The following MYO1G variants were observed in gnomAD, a reference collection of about 807,000 sequenced individuals.
MYO1G encodes the protein myosin IG.
MYO1G carries 65 observed loss-of-function variants against 115.3 expected under a neutral mutation model. That is an observed-to-expected ratio of 0.56 (90% confidence interval 0.46 to 0.69). MYO1G has a LOEUF of 0.69. MYO1G is among the 30% of genes least tolerant of loss of function. MYO1G has a pLI of 0.00. For synonymous variants in MYO1G, 510 were observed against 552.6 expected, an observed-to-expected ratio of 0.92 and a Z score of 1.08; for missense variants, 1,204 against 1,393.5, an observed-to-expected ratio of 0.86 and a Z score of 2.16.
In MYO1G at chr7:44,965,541, G is replaced by A. The variant is rs893431500; in HGVS notation, c.2381+96C>T. 20 of 1,175,078 alleles carry A rather than the reference G, an allele frequency of 1.7e-5. No individual in the cohort carries two copies. The Middle Eastern group carries it at 6.6e-4, about 39-fold the overall frequency. The allele number at this position is 1,175,078 out of a possible 1,614,324, so 72.8% of individuals were successfully genotyped here. A position where few individuals can be genotyped will look rare whatever the true frequency, so the allele number is the denominator to read the frequency against. ...CTTCCCACCTATCAAGGGGGCTGGT[G>A]TATCTCCCATCCAGGCACTGCAGGC... On this transcript the variant is annotated intron_variant, in intron 17 of 21. Transcript: ENST00000258787.
intron 5 of MYO1G, chr7:44,974,786 T>C (rs1795018214): frequency 3.7e-6 from 1 of 267,898 alleles, no homozygotes; most frequent in Non-Finnish European, 7.5e-6. Flanking sequence ...GTGCTCAGAG[T>C]CAATGCCCGT....
At position 44,975,500 on chromosome 7, in the gene MYO1G, C is replaced by T; in HGVS notation, c.548G>A (p.Ser183Asn). Residue 183 changes from serine (S) to asparagine (N), a missense_variant, in exon 4 of 22, where the codon AGC becomes AAC. Ser to Asn is a conservative substitution (Grantham distance 46). Transcript: ENST00000258787. ...CCTGCCCACCTTCTCCAGTAGGTAG[C>T]TGTGGATGTGTCCTCCGATCGGGTC... ...KGDPIGGHIH[S>N]YLLEKSRVLK... 6.2e-7 allele frequency: 1 copy of T among 1,612,038 alleles called. No homozygotes were observed. The highest frequency in any genetic ancestry group is 1.7e-5 in the Admixed American group (1 of 59,896).
In MYO1G at chr7:44,965,880, T is replaced by G. The variant is rs1382123423; in HGVS notation, c.2158-20A>C. On this transcript the variant is annotated intron_variant, in intron 16 of 21. Transcript: ENST00000258787. ...CCATGCCTGGGTGGGCCAGGTGGGA[T>G]GGGATACGCAGTCAAATTCAATCAG... The G allele has an allele frequency of 6.3e-7, 1 of 1,595,812 alleles. No homozygotes were observed. Among genetic ancestry groups the G allele is most frequent in the African/African-American group, 1.3e-5 (1 of 74,822 alleles).
chr7:44,970,218 G>T, intron 9 of MYO1G, 64 bp from the exon 10 acceptor site: 2 of 1,133,276 alleles, frequency 1.8e-6, no homozygotes, highest in Non-Finnish European at 1.3e-6. Flanking sequence ...GTAATGGGTG[G>T]CTGCTCCCCT....
At chr7:44,974,198 C>T (rs1562832940) in intron 5 of MYO1G, 1 of 151,694 alleles carries the variant, frequency 6.6e-6, no homozygotes, top group Non-Finnish European at 1.5e-5. Flanking sequence ...GAGCACCACA[C>T]CATGGAAGCT....
rs370778515 is a variant in MYO1G, at chr7:44,964,068, C to T, written c.2726G>A (p.Arg909Gln). 2.6e-5 allele frequency: 41 copies of T among 1,599,258 alleles called. No individual in the cohort carries two copies. The highest frequency in any genetic ancestry group is 1.7e-4 in the African/African-American group (13 of 74,718). ...LDPDRQYRVM[R>Q]AVPLEAVTGL... ...GCTCACCGCCTCAAGGGGCACGGCCCGCATCACCCGGTACTGCCGGTCAGG... is the reference window on the plus strand; with the variant it reads ...GCTCACCGCCTCAAGGGGCACGGCCTGCATCACCCGGTACTGCCGGTCAGG... Residue 909 changes from arginine (R) to glutamine (Q), a missense_variant, in exon 20 of 22, where the codon CGG (arginine) becomes CAG (glutamine). Coordinates refer to ENST00000258787, the MANE Select transcript of MYO1G (RefSeq NM_033054.3). The surrounding 1 kb of genome is among the most constrained non-coding windows in gnomAD (Gnocchi z 5.1).
In MYO1G at chr7:44,963,484, G is replaced by A. The variant is rs910384768; in HGVS notation, c.2746-360C>T. 1 of 269,290 alleles carries A rather than the reference G, an allele frequency of 3.7e-6. No homozygotes were observed. The highest frequency in any genetic ancestry group is 5.1e-5 in the Admixed American group (1 of 19,658). 16.7% of individuals were successfully genotyped at this position (269,290 alleles called of 1,614,324 possible). A position where few individuals can be genotyped will look rare whatever the true frequency, so the allele number is the denominator to read the frequency against. On this transcript the variant is annotated intron_variant, in intron 20 of 21. Coordinates refer to ENST00000258787, the MANE Select transcript of MYO1G (RefSeq NM_033054.3). This position sits in a 1 kb window ranked among gnomAD's most constrained non-coding sequence, Gnocchi z 4.1. ...TCACTGCATTTAAACAACCACGCCG[G>A]CTTTGGGCTGTGGCATTACACAGCA...
rs1794796348 is a variant in MYO1G, at chr7:44,964,065, GC to G, written c.2728del (p.Ala910ProfsTer7). 6.3e-7 allele frequency: 1 copy of G among 1,597,386 alleles called. No individual in the cohort carries two copies. Among genetic ancestry groups the G allele is most frequent in the Non-Finnish European group, 8.5e-7 (1 of 1,172,000 alleles). The stretch of plus-strand genomic sequence containing the variant: ...ATTGCTCACCGCCTCAAGGGGCACG[GC>G]CCGCATCACCCGGTACTGCCGGTCA... ...DPDRQYRVMR[A>X]VPLEAVTGLS... On this transcript the variant is annotated frameshift_variant, in exon 20 of 22. Transcript: ENST00000258787. LOFTEE classifies it high-confidence loss of function. The surrounding 1 kb of genome is among the most constrained non-coding windows in gnomAD (Gnocchi z 5.1).
rs368207989 is a variant in MYO1G, at chr7:44,965,047, G to T, written c.2424C>A (p.Asp808Glu). The change falls in exon 18 of 22, where the codon GAC becomes GAA. Residue 808 changes from aspartate (D) to glutamate (E), a missense_variant. Transcript: ENST00000258787. ...RQLVKNIPPS[D>E]MPQIKAKVAA... The stretch of plus-strand genomic sequence containing the variant: ...CCACCTTGGCCTTGATCTGGGGCAT[G>T]TCTGAAGGGGGGATGTTCTTCACCA... The T allele has an allele frequency of 6.8e-6, 11 of 1,610,856 alleles. No homozygotes were observed. Among genetic ancestry groups the T allele is most frequent in the Non-Finnish European group, 9.3e-6 (11 of 1,178,114 alleles).
At chr7:44,968,009 A>G in intron 12 of MYO1G, 51 bp from the exon 13 acceptor site, 2 of 1,530,216 alleles carry the variant, frequency 1.3e-6, no homozygotes, top group Non-Finnish European at 1.8e-6. Flanking sequence ...CTGCCAGGCC[A>G]GAGTGCTAAT....
Position 44,963,996 on chromosome 7 carries a change from C to G in MYO1G, c.2745+53G>C, listed in dbSNP as rs550831845. On this transcript the variant is annotated intron_variant, in intron 20 of 21. Coordinates refer to ENST00000258787, the MANE Select transcript of MYO1G (RefSeq NM_033054.3). This position sits in a 1 kb window ranked among gnomAD's most constrained non-coding sequence, Gnocchi z 4.1. ...AGACTGAGGCAGGACTCTGAGCAGCCCAGCAGTGCCCCTCACAGATGCTGC... is the reference window on the plus strand; with the variant it reads ...AGACTGAGGCAGGACTCTGAGCAGCGCAGCAGTGCCCCTCACAGATGCTGC... 9.0e-4 allele frequency: 1,254 copies of G among 1,389,950 alleles called. No homozygotes were observed. Among genetic ancestry groups the G allele is most frequent in the Non-Finnish European group, 1.2e-3 (1,195 of 1,001,892 alleles). The allele number at this position is 1,389,950 out of a possible 1,614,324, so 86.1% of individuals were successfully genotyped here. A position where few individuals can be genotyped will look rare whatever the true frequency, so the allele number is the denominator to read the frequency against.
rs1446811882 is a variant in MYO1G at position 44,966,676 on chromosome 7, G to C, written c.1945C>G (p.Leu649Val). The C allele has an allele frequency of 1.2e-6, 2 of 1,613,184 alleles. No individual in the cohort carries two copies. The highest frequency in any genetic ancestry group is 8.5e-7 in the Non-Finnish European group (1 of 1,180,000). The change falls in exon 15 of 22, where the codon CTC (leucine) becomes GTC (valine). Residue 649 changes from leucine (L) to valine (V), a missense_variant. Physicochemically the swap from Leu to Val is conservative, Grantham distance 32. Transcript: ENST00000258787. This position sits in a 1 kb window ranked among gnomAD's most constrained non-coding sequence, Gnocchi z 5.0. The part of the protein sequence containing the change: ...ASRQPYSRFL[L>V]RYKMTCEYTW... Reference sequence around the variant, plus strand: ...ATGGGTGTCAGGTGCCAGTACCTGAGCAGGAATCGAGAGTAGGGCTGGCGG... The same window carrying C: ...ATGGGTGTCAGGTGCCAGTACCTGACCAGGAATCGAGAGTAGGGCTGGCGG...
chr7:44,963,236 C>G lies in MYO1G; in HGVS notation c.2746-112G>C. ...CGAACCCCCAACCGCACCCGGGGAG[C>G]GCCGCCCTCGCCAGGGCCACCAGCC... On this transcript the variant is annotated intron_variant, in intron 20 of 21. Transcript: ENST00000258787. The surrounding 1 kb of genome is among the most constrained non-coding windows in gnomAD (Gnocchi z 4.1). 2 of 1,280,668 alleles carry G rather than the reference C, an allele frequency of 1.6e-6. No individual in the cohort carries two copies. The highest frequency in any genetic ancestry group is 1.6e-5 in the African/African-American group (1 of 63,262). 79.3% of individuals were successfully genotyped at this position (1,280,668 alleles called of 1,614,324 possible). A position where few individuals can be genotyped will look rare whatever the true frequency, so the allele number is the denominator to read the frequency against.
chr7:44,971,267 AAGGCCTCG>A (rs1048582066), intron 7 of MYO1G, among the ~76,000 whole-genome samples: 1 of 146,658 alleles, frequency 6.8e-6, no homozygotes, highest in Non-Finnish European at 1.5e-5. Context: ...AGTCTCTGCC[AAGGCCTCG>A]AGGCCTCGAG....
chr7:44,978,806 C>T (rs911771279), intron 1 of MYO1G, 61 bp downstream of exon 1: 9 of 1,509,918 alleles, frequency 6.0e-6, no homozygotes, highest in Admixed American at 1.7e-5. Context: ...CAGGTCTCTG[C>T]GAGGACGCAA....
In MYO1G at chr7:44,969,435, T is replaced by C. The variant is rs774318946; in HGVS notation, c.1552A>G (p.Lys518Glu). ...TMEFGRDFRIKHYAGDVTYSV... is the reference protein window; with the variant it reads ...TMEFGRDFRIEHYAGDVTYSV... The stretch of plus-strand genomic sequence containing the variant: ...TACGTGACGTCCCCTGCATAGTGCT[T>C]GATCCGGAAGTCTCGGCCAAACTCC... Residue 518 changes from lysine (K) to glutamate (E), a missense_variant, in exon 12 of 22, where the codon AAG becomes GAG. Lys to Glu is a moderately conservative substitution (Grantham distance 56). Transcript: ENST00000258787. This position sits in a 1 kb window ranked among gnomAD's most constrained non-coding sequence, Gnocchi z 5.0. 2 of 1,613,928 alleles carry C rather than the reference T, an allele frequency of 1.2e-6. No individual in the cohort carries two copies. Among genetic ancestry groups the C allele is most frequent in the South Asian group, 1.1e-5 (1 of 91,082 alleles).
chr7:44,972,191 T>C lies in MYO1G; in HGVS notation c.653A>G (p.Glu218Gly), dbSNP rs145240682. Residue 218 changes from glutamate (E) to glycine (G), a missense_variant, in exon 6 of 22, where the codon GAA (glutamate) becomes GGA (glycine). Physicochemically the swap from Glu to Gly is moderately conservative, Grantham distance 98. Transcript: ENST00000258787. ...LRGSEDKQLH[E>G]LHLERNPAVY... ...AGCAGGGTTTCTCTCCAAGTGCAGTTCATGCAGCTGCTTGTCCTCACTGCC... is the reference window on the plus strand; with the variant it reads ...AGCAGGGTTTCTCTCCAAGTGCAGTCCATGCAGCTGCTTGTCCTCACTGCC... 1 of 1,614,084 alleles carries C rather than the reference T, an allele frequency of 6.2e-7. No individual in the cohort carries two copies. The highest frequency in any genetic ancestry group is 1.3e-5 in the African/African-American group (1 of 75,044).
chr7:44,969,461 A>T lies in MYO1G; in HGVS notation c.1526T>A (p.Met509Lys). ...SRQLCPTDKT[M>K]EFGRDFRIKH... is the part of the protein sequence containing the mutation. Reference sequence around the variant, plus strand: ...GATCCGGAAGTCTCGGCCAAACTCCATGGTCTTGTCTGTGGGGCAGAGCTA... The same window carrying T: ...GATCCGGAAGTCTCGGCCAAACTCCTTGGTCTTGTCTGTGGGGCAGAGCTA... Residue 509 changes from methionine (M) to lysine (K), a missense_variant, in exon 12 of 22, where the codon ATG (methionine) becomes AAG (lysine). By Grantham distance (95) the Met-to-Lys change is moderately conservative (BLOSUM62 -1). Transcript: ENST00000258787. This position sits in a 1 kb window ranked among gnomAD's most constrained non-coding sequence, Gnocchi z 5.0. 1.2e-6 allele frequency: 2 copies of T among 1,613,860 alleles called. No homozygotes were observed. The highest frequency in any genetic ancestry group is 2.2e-5 in the South Asian group (2 of 91,080).
In MYO1G at chr7:44,976,880, G is replaced by A. The variant is rs146195000; in HGVS notation, c.287C>T (p.Thr96Ile). The stretch of plus-strand genomic sequence containing the variant: ...ACAGGTACCTGAGATGACGATGCAG[G>A]TGTCCCTGGACCGGTGCTTCATTGC... ...YKAMKHRSRD[T>I]CIVISGESGA... The change falls in exon 2 of 22, where the codon ACC becomes ATC. Residue 96 changes from threonine to isoleucine, a missense_variant. Coordinates refer to ENST00000258787, the MANE Select transcript of MYO1G (RefSeq NM_033054.3). The A allele has an allele frequency of 3.7e-6, 6 of 1,613,310 alleles. No homozygotes were observed. Among genetic ancestry groups the A allele is most frequent in the African/African-American group, 1.3e-5 (1 of 74,944 alleles).
Sources: allele counts gnomAD v4.1 joint callset (sites outside exome capture counted in the v4.1 genomes callset), GRCh38; gene constraint gnomAD v4.1.1; non-coding constraint Gnocchi (gnomAD v3.1); transcripts MANE v1.5; gene names NCBI Gene and HGNC (gene_info 2026-07-23, HGNC 2026-07-21).